PATJ: variants seen among roughly 807,000 people sequenced by gnomAD.
PATJ encodes the protein inaD-like protein.
A neutral mutation model predicts 224.9 loss-of-function variants in PATJ; 190 were observed. That is an observed-to-expected ratio of 0.84 (90% CI 0.75 to 0.95). The LOEUF (loss-of-function observed/expected upper bound fraction) is 0.95, where lower values mean the gene tolerates loss of function less well. PATJ is among the 40% of genes least tolerant of loss of function. The pLI is 0.00. For missense variants in PATJ, 2,121 were observed against 2,270.3 expected (o/e 0.93, Z 1.34); for synonymous variants, 769 against 820.3 (o/e 0.94, Z 1.07).
chr1:61,881,415 T>A (rs79201208), intron 21 of PATJ, among the ~76,000 whole-genome samples: 4,916 of 147,962 alleles, frequency 0.033, 251 homozygotes, highest in East Asian at 0.21. Flanking sequence ...TTATTTTTTT[T>A]TTTTTTTTTT....
At chr1:61,758,610 G>A (rs1364194814) in intron 1 of PATJ, among the ~76,000 whole-genome samples, 1 of 152,016 alleles carries the variant, frequency 6.6e-6, no homozygotes, top group Non-Finnish European at 1.5e-5. Context: ...ACCTCCCAAA[G>A]TGCTGGGATT....
chr1:62,101,285 A>T (rs1662140614), intron 33 of PATJ, among the ~76,000 whole-genome samples: 1 of 138,422 alleles, frequency 7.2e-6, no homozygotes, highest in Non-Finnish European at 1.5e-5. Flanking sequence ...TTTTTCTGAG[A>T]CAGAGTCTCG....
At chr1:62,028,696 T>C (rs1648531506) in intron 29 of PATJ, among the ~76,000 whole-genome samples, 2 of 152,104 alleles carry the variant, frequency 1.3e-5, no homozygotes, top group African/African-American at 2.4e-5. Context: ...GGTGTGAGGA[T>C]TGCTCTAGCC....
At chr1:61,815,836 T>C (rs989841380) in intron 14 of PATJ, among the ~76,000 whole-genome samples, 1 of 152,216 alleles carries the variant, frequency 6.6e-6, no homozygotes, top group Non-Finnish European at 1.5e-5. Flanking sequence ...TAGGAAGCTG[T>C]TAATCATGAC....
chr1:61,758,547 C>A (rs1355833032), intron 1 of PATJ, among the ~76,000 whole-genome samples: 1 of 151,896 alleles, frequency 6.6e-6, no homozygotes, highest in African/African-American at 2.4e-5. Flanking sequence ...AGGGTTTCAC[C>A]AAGTTGGCCA....
chr1:61,797,884 C>T (rs1651676122), intron 11 of PATJ, among the ~76,000 whole-genome samples: 2 of 151,806 alleles, frequency 1.3e-5, no homozygotes, highest in South Asian at 4.1e-4. Context: ...CTTACTGCAA[C>T]CTCTGCCTCC....
intron 26 of PATJ, among the ~76,000 whole-genome samples, chr1:61,918,457 G>A (rs758525250): frequency 6.6e-5 from 10 of 151,662 alleles, no homozygotes; most frequent in East Asian, 2.0e-4. Flanking sequence ...ACAGGCATGC[G>A]CCACCATGCC....
chr1:62,090,151 C>G (rs74076525), intron 33 of PATJ, among the ~76,000 whole-genome samples: 1 of 152,100 alleles, frequency 6.6e-6, no homozygotes, highest in Non-Finnish European at 1.5e-5. Flanking sequence ...TTTAAATCGA[C>G]CTTTTAAAAT....
intron 14 of PATJ, among the ~76,000 whole-genome samples, chr1:61,814,547 T>TGTGCGTGC (rs370488022): frequency 7.0e-6 from 1 of 142,494 alleles, no homozygotes; most frequent in African/African-American, 2.7e-5. Context: ...TGTGTGTGTG[T>TGTGCGTGC]GCGCGCGCGC....
intron 27 of PATJ, among the ~76,000 whole-genome samples, chr1:61,987,310 A>G (rs968119026): frequency 3.9e-5 from 6 of 152,150 alleles, no homozygotes; most frequent in Non-Finnish European, 4.4e-5. Context: ...TGTGAGTTGC[A>G]AAAAATGTGC....
At chr1:62,107,846 G>T (rs1663294482) in intron 33 of PATJ, among the ~76,000 whole-genome samples, 1 of 152,112 alleles carries the variant, frequency 6.6e-6, no homozygotes, top group South Asian at 2.1e-4. Context: ...TAATTTTATG[G>T]CTCAGATTGC....
chr1:62,121,321 A>G, intron 38 of PATJ, 26 bp downstream of exon 38: 1 of 1,323,004 alleles, frequency 7.6e-7, no homozygotes, highest in East Asian at 2.3e-5. Context: ...ACCCAGAGCA[A>G]AACTATCCTG....
intron 38 of PATJ, among the ~76,000 whole-genome samples, chr1:62,121,778 A>AG (rs1665085607): frequency 2.9e-5 from 2 of 69,022 alleles, no homozygotes; most frequent in African/African-American, 7.8e-5. Flanking sequence ...CGTCTCCAGA[A>AG]AAAAAAAAAG....
At chr1:61,907,172 A>G (rs1353389592) in intron 24 of PATJ, among the ~76,000 whole-genome samples, 2 of 152,190 alleles carry the variant, frequency 1.3e-5, no homozygotes, top group Non-Finnish European at 2.9e-5. Context: ...ACCATGAGAT[A>G]ATTAAACCTC....
At chr1:61,984,187 G>A (rs1644614405) in intron 27 of PATJ, among the ~76,000 whole-genome samples, 2 of 145,846 alleles carry the variant, frequency 1.4e-5, no homozygotes, top group South Asian at 4.3e-4. Context: ...TTGAGGCAGA[G>A]TGTTGCTCTG....
At chr1:61,886,822 A>AAAAAAAAAAAAAAAAAAAAAAAAC (rs1668933935) in intron 22 of PATJ, among the ~76,000 whole-genome samples, 1 of 136,150 alleles carries the variant, frequency 7.3e-6, no homozygotes, top group Admixed American at 7.6e-5. Context: ...CCCATCTCAA[A>AAAAAAAAAAAAAAAAAAAAAAAAC]AAAAAAAAAT....
At chr1:62,088,449 C>G (rs540920762) in intron 33 of PATJ, among the ~76,000 whole-genome samples, 1 of 152,240 alleles carries the variant, frequency 6.6e-6, no homozygotes, top group East Asian at 1.9e-4. Context: ...CCACTCTTCC[C>G]AAAGAAGTCT....
Position 61,791,384 on chromosome 1 carries a change from G to A in PATJ, c.1105G>A (p.Val369Met), listed in dbSNP as rs749292303. The change falls in exon 9 of 44, where the codon GTG becomes ATG. Residue 369 changes from valine (V) to methionine (M), a missense_variant. Physicochemically the swap from Val to Met is conservative, Grantham distance 21 (BLOSUM62 1). Transcript: ENST00000642238. The stretch of plus-strand genomic sequence containing the variant: ...TTTTGAAACTTATAATGTTGAGCTT[G>A]TGAGAAAAGATGGGCAGAGTCTTGG... ...SLFETYNVEL[V>M]RKDGQSLGIR... 1.9e-6 allele frequency: 3 copies of A among 1,612,368 alleles called. No individual in the cohort carries two copies. Among genetic ancestry groups the A allele is most frequent in the East Asian group, 2.2e-5 (1 of 44,794 alleles).
intron 39 of PATJ, 63 bp downstream of exon 39, chr1:62,123,121 A>C (rs1665279855): frequency 1.8e-6 from 2 of 1,121,996 alleles, no homozygotes; most frequent in East Asian, 4.9e-5. Context: ...CTAAATGTAC[A>C]TTTTCCCCAA....
Sources: allele counts gnomAD v4.1 joint callset (sites outside exome capture counted in the v4.1 genomes callset), GRCh38; gene constraint gnomAD v4.1.1; transcripts MANE v1.5; gene names NCBI Gene and HGNC (gene_info 2026-07-23, HGNC 2026-07-21).